The following PCDHGA3 variants were observed in gnomAD, a reference collection of about 807,000 sequenced individuals.
PCDHGA3 encodes protocadherin gamma-A3.
A neutral mutation model predicts 58.5 loss-of-function variants in PCDHGA3; 40 were observed. The ratio of observed to expected loss-of-function variants is 0.68; its 90% CI spans 0.53 to 0.89. The LOEUF is 0.89. Ranked by LOEUF, PCDHGA3 falls within the 40% of genes least tolerant of loss-of-function variation. The probability of loss-of-function intolerance (pLI) is 0.00; values close to 1 mark genes in which losing one functional copy is unlikely to be tolerated. For synonymous variants in PCDHGA3, 530 were observed against 525.7 expected (o/e 1.01, Z -0.11); for missense variants, 1,223 against 1,195.9 (o/e 1.02, Z -0.33).
Position 141,344,043 on chromosome 5 carries a change from T to C in PCDHGA3, c.10T>C (p.Cys4Arg). 2 of 1,553,824 alleles carry C rather than the reference T, an allele frequency of 1.3e-6. No homozygotes were observed. The highest frequency in any genetic ancestry group is 1.7e-6 in the Non-Finnish European group (2 of 1,150,760). The change falls in exon 1 of 4, where the codon TGC (cysteine) becomes CGC (arginine). Residue 4 changes from cysteine to arginine, a missense_variant. By Grantham distance (180) the Cys-to-Arg change is radical. This residue lies in a region of PCDHGA3 where 791 missense variants were observed against 708.5 expected (regional missense o/e 1.12). Transcript: ENST00000253812. The stretch of plus-strand genomic sequence containing the variant: ...ATTCACCGAAAAGGAAATGACCAAT[T>C]GCCTGAGTTTCCGAAATGGCAGAGG... MTN[C>R]LSFRNGRGLA... is the part of the protein sequence containing the mutation.
At chr5:141,364,213 C>A (rs1212511912) in intron 1 of PCDHGA3, 4 of 1,275,024 alleles carry the variant, frequency 3.1e-6, no homozygotes, top group East Asian at 2.6e-5. Context: ...CAAGCTCCTA[C>A]GAAAAGCCAA....
At chr5:141,365,186 G>T in intron 1 of PCDHGA3, 1 of 1,613,880 alleles carries the variant, frequency 6.2e-7, no homozygotes, top group Non-Finnish European at 8.5e-7. Flanking sequence ...CAATGAAGAA[G>T]AAAAAATTTC....
chr5:141,347,786 CAA>C (rs1186221035), intron 1 of PCDHGA3, among the ~76,000 whole-genome samples: 22 of 106,198 alleles, frequency 2.1e-4, no homozygotes, highest in Non-Finnish European at 2.0e-4. Flanking sequence ...GACTCCATCT[CAA>C]AAAAAAAAAA....
At chr5:141,471,075 G>T (rs574363005) in intron 1 of PCDHGA3, among the ~76,000 whole-genome samples, 1 of 143,346 alleles carries the variant, frequency 7.0e-6, no homozygotes, top group East Asian at 2.0e-4. Context: ...TTGAGACAGG[G>T]TCTCCCTCTG....
chr5:141,397,271 T>C (rs552218945), intron 1 of PCDHGA3, among the ~76,000 whole-genome samples: 1 of 152,312 alleles, frequency 6.6e-6, no homozygotes, highest in East Asian at 1.9e-4. Context: ...AGCTACATCA[T>C]ATGGGCAGTA....
At chr5:141,411,250 T>C (rs1009574489) in intron 1 of PCDHGA3, 1 of 152,156 alleles carries the variant, frequency 6.6e-6, no homozygotes, top group African/African-American at 2.4e-5. Context: ...ATTTACGATA[T>C]CTTATTTATA....
Position 141,476,187 on chromosome 5 carries a change from G to A in PCDHGA3, c.2425-18620G>A. 6.2e-7 allele frequency: 1 copy of A among 1,613,782 alleles called. No individual in the cohort carries two copies. The highest frequency in any genetic ancestry group is 1.1e-5 in the South Asian group (1 of 91,072). ...GTAGTGGGAGTTTTGCTTCTGCTTG[G>A]TGCCTTGAACAAGGCTTCCACGGTC... On this transcript the variant is annotated intron_variant, in intron 1 of 3. Coordinates refer to ENST00000253812, the MANE Select transcript of PCDHGA3 (RefSeq NM_018916.4). This position sits in a 1 kb window ranked among gnomAD's most constrained non-coding sequence, Gnocchi z 7.6.
chr5:141,410,598 C>T, intron 1 of PCDHGA3: 2 of 1,608,528 alleles, frequency 1.2e-6, no homozygotes, highest in Non-Finnish European at 1.7e-6. Context: ...GATTTGACTT[C>T]ACATCCTGAG....
chr5:141,472,494 C>T (rs561045783), intron 1 of PCDHGA3, among the ~76,000 whole-genome samples: 9 of 151,168 alleles, frequency 6.0e-5, no homozygotes, highest in South Asian at 2.1e-4. Context: ...GAGACGAGAT[C>T]GTGCCACTGC....
intron 1 of PCDHGA3, chr5:141,356,122 G>C: frequency 6.2e-6 from 10 of 1,613,886 alleles, no homozygotes; most frequent in African/African-American, 1.3e-5. Flanking sequence ...GGGGGGTCTA[G>C]ATTATGAGGA....
At chr5:141,373,739 A>G (rs1561560112) in intron 1 of PCDHGA3, among the ~76,000 whole-genome samples, 1 of 152,238 alleles carries the variant, frequency 6.6e-6, no homozygotes, top group Non-Finnish European at 1.5e-5. Context: ...ATGCTTCATT[A>G]TCTTGGGGAG....
In PCDHGA3 at chr5:141,350,749, A is replaced by G. The variant is rs753374370; in HGVS notation, c.2424+4292A>G. 1.3e-5 allele frequency: 21 copies of G among 1,613,854 alleles called. No homozygotes were observed. In the East Asian group the frequency reaches 3.6e-4, roughly 27 times the overall value. Reference sequence around the variant, plus strand: ...AAGATGCAGATGTGGAAGGCAATTCACTGAAGTTATACACCATCAACCCCA... The same window carrying G: ...AAGATGCAGATGTGGAAGGCAATTCGCTGAAGTTATACACCATCAACCCCA... On this transcript the variant is annotated intron_variant, in intron 1 of 3. Coordinates refer to ENST00000253812, the MANE Select transcript of PCDHGA3 (RefSeq NM_018916.4).
In PCDHGA3 at chr5:141,360,958, G is replaced by A. The variant is rs1761818073; in HGVS notation, c.2424+14501G>A. 3.1e-6 allele frequency: 5 copies of A among 1,613,878 alleles called. No homozygotes were observed. In the African/African-American group the frequency reaches 5.3e-5, roughly 17 times the overall value. ...CACCGACCGGGATGAAGGCATAAAC[G>A]CAGAGATCACCTACTCCTTTCATAA... On this transcript the variant is annotated intron_variant, in intron 1 of 3. Transcript: ENST00000253812.
At chr5:141,364,421 A>AT in intron 1 of PCDHGA3, 1 of 1,613,602 alleles carries the variant, frequency 6.2e-7, no homozygotes, top group South Asian at 1.1e-5. Context: ...ATCCGGGCAG[A>AT]TCCGCTACTC....
At chr5:141,444,059 T>C (rs2098415588) in intron 1 of PCDHGA3, among the ~76,000 whole-genome samples, 1 of 150,620 alleles carries the variant, frequency 6.6e-6, no homozygotes, top group Admixed American at 6.6e-5. Flanking sequence ...ATCTTCAATC[T>C]AGATTCTGAT....
In PCDHGA3 at chr5:141,432,847, G is replaced by A. The variant is rs768265171; in HGVS notation, c.2425-61960G>A. On this transcript the variant is annotated intron_variant, in intron 1 of 3. Transcript: ENST00000253812. The surrounding 1 kb of genome is among the most constrained non-coding windows in gnomAD (Gnocchi z 6.0). Reference sequence around the variant, plus strand: ...ACCTCACTCTGTACCTGGTGGTAGCGGTGGCCGCGGTCTCCTGCGTCTTCC... The same window carrying A: ...ACCTCACTCTGTACCTGGTGGTAGCAGTGGCCGCGGTCTCCTGCGTCTTCC... 5.0e-6 allele frequency: 8 copies of A among 1,614,180 alleles called. No homozygotes were observed. The highest frequency in any genetic ancestry group is 6.8e-6 in the Non-Finnish European group (8 of 1,179,994).
In PCDHGA3 at chr5:141,486,269, G is replaced by T; in HGVS notation, c.2425-8538G>T. 6.2e-7 allele frequency: 1 copy of T among 1,613,996 alleles called. No homozygotes were observed. The highest frequency in any genetic ancestry group is 8.5e-7 in the Non-Finnish European group (1 of 1,179,956). On this transcript the variant is annotated intron_variant, in intron 1 of 3. Transcript: ENST00000253812. The surrounding 1 kb of genome is among the most constrained non-coding windows in gnomAD (Gnocchi z 5.0). ...AACCCTCCCCGAGAGTGCAGAACCT[G>T]GCACTGTGGTGGCACTTATCAGTGT...
intron 1 of PCDHGA3, chr5:141,388,782 A>G (rs1589071559): frequency 6.2e-7 from 1 of 1,613,902 alleles, no homozygotes; most frequent in African/African-American, 1.3e-5. Flanking sequence ...CGGGGAAATT[A>G]CTGTTTTAAA....
chr5:141,346,201 G>T lies in PCDHGA3; in HGVS notation c.2168G>T (p.Arg723Leu), dbSNP rs1282947071. ...ALRLRRWHKS[R>L]LLQASGGGLA... Reference sequence around the variant, plus strand: ...AGGCTGCGGCGCTGGCACAAGTCACGCCTGCTGCAGGCTTCGGGAGGCGGC... The same window carrying T: ...AGGCTGCGGCGCTGGCACAAGTCACTCCTGCTGCAGGCTTCGGGAGGCGGC... The change falls in exon 1 of 4, where the codon CGC becomes CTC. Residue 723 changes from arginine (R) to leucine (L), a missense_variant. Arg to Leu is a moderately radical substitution (Grantham distance 102). Coordinates refer to ENST00000253812, the MANE Select transcript of PCDHGA3 (RefSeq NM_018916.4). 1.9e-6 allele frequency: 3 copies of T among 1,614,116 alleles called. No homozygotes were observed. The highest frequency in any genetic ancestry group is 2.5e-6 in the Non-Finnish European group (3 of 1,179,994).
Sources: gnomAD v4.1 joint callset for allele counts (sites outside exome capture counted in the v4.1 genomes callset) on GRCh38, gnomAD v4.1.1 for gene constraint, gnomAD v4.1.1 regional missense constraint, Gnocchi (gnomAD v3.1) non-coding constraint, MANE v1.5 for transcripts, NCBI Gene and HGNC (gene_info 2026-07-23, HGNC 2026-07-21) for gene names.